DLGAP2: variants seen among roughly 807,000 people sequenced by gnomAD.
The protein encoded by DLGAP2 is disks large-associated protein 2.
A neutral mutation model predicts 100.3 loss-of-function variants in DLGAP2; 26 were observed. That is an observed-to-expected ratio of 0.26 (90% CI 0.19 to 0.36). The LOEUF is 0.36. Among genes scored for constraint, DLGAP2 ranks in the 10% least tolerant of loss-of-function variants. The pLI is 1.00. For missense variants in DLGAP2, 1,858 were observed against 1,453.2 expected (o/e 1.28, Z -4.53); for synonymous variants, 886 against 630.1 (o/e 1.41, Z -6.08).
chr8:1,223,401 A>G (rs1468476505), intron 2 of DLGAP2, among the ~76,000 whole-genome samples: 4 of 152,220 alleles, frequency 2.6e-5, no homozygotes, highest in Non-Finnish European at 5.9e-5. Flanking sequence ...CATTTTTTAA[A>G]GAGTGACTAC....
At position 915,822 on chromosome 8, in the gene DLGAP2, C is replaced by T. The variant is rs527872501; in HGVS notation, c.73+7856C>T. ...CCATGAGTCCTCCTCATTGTAGACTCTCCCCACTCTCTTTTTTGTGTCCGT... is the reference window on the plus strand; with the variant it reads ...CCATGAGTCCTCCTCATTGTAGACTTTCCCCACTCTCTTTTTTGTGTCCGT... On this transcript the variant is annotated intron_variant, in intron 2 of 14. Coordinates refer to ENST00000637795, the MANE Select transcript of DLGAP2 (RefSeq NM_001346810.2). Among the ~76,000 whole-genome samples the T allele has an allele frequency of 4.2e-4, 64 of 150,926 alleles. No homozygotes were observed. The East Asian group carries it at 0.011, about 27-fold the overall frequency.
intron 4 of DLGAP2, among the ~76,000 whole-genome samples, chr8:1,545,169 G>A (rs2130502343): frequency 6.6e-6 from 1 of 152,222 alleles, no homozygotes; most frequent in South Asian, 2.1e-4. Context: ...AAGCATTCCT[G>A]CCTATTCTAG....
intron 3 of DLGAP2, among the ~76,000 whole-genome samples, chr8:1,427,892 C>T (rs940945269): frequency 2.0e-5 from 3 of 152,142 alleles, no homozygotes; most frequent in Non-Finnish European, 4.4e-5. Context: ...CTCCATAATT[C>T]ATAACTTAAC....
chr8:1,283,203 G>C (rs1799855224), intron 3 of DLGAP2, among the ~76,000 whole-genome samples: 1 of 144,524 alleles, frequency 6.9e-6, no homozygotes, highest in Non-Finnish European at 1.5e-5. Flanking sequence ...ATCCAGACGT[G>C]GTGTGACCTG....
intron 1 of DLGAP2, among the ~76,000 whole-genome samples, chr8:835,113 A>AG (rs1220463543): frequency 4.6e-5 from 7 of 152,066 alleles, no homozygotes; most frequent in African/African-American, 1.7e-4. Context: ...GTGTTTGTGG[A>AG]GGGGGGGCTG....
chr8:1,191,809 G>A (rs193143863), intron 2 of DLGAP2, among the ~76,000 whole-genome samples: 12 of 152,152 alleles, frequency 7.9e-5, no homozygotes, highest in East Asian at 3.9e-4. Flanking sequence ...GAAATAAACC[G>A]TATTATATAA....
intron 6 of DLGAP2, among the ~76,000 whole-genome samples, chr8:1,569,652 C>T (rs1802570996): frequency 6.6e-6 from 1 of 152,178 alleles, no homozygotes; most frequent in Non-Finnish European, 1.5e-5. Context: ...AGCTTTGTAA[C>T]TCAGGGAAGC....
intron 5 of DLGAP2, among the ~76,000 whole-genome samples, chr8:1,564,814 A>G (rs1379504645): frequency 2.0e-5 from 3 of 152,112 alleles, no homozygotes; most frequent in Non-Finnish European, 4.4e-5. Flanking sequence ...TCAGCTCTGT[A>G]CCACACAGAT....
Position 1,030,220 on chromosome 8 carries a change from TC to T in DLGAP2, c.73+122256del, listed in dbSNP as rs541399280. On this transcript the variant is annotated intron_variant, in intron 2 of 14. Transcript: ENST00000637795. ...CCGAAAGCAATGAGCGTACCTGAGATCCAGATGTTCAGCCTCGTAATTAAAT... is the reference window on the plus strand; with the variant it reads ...CCGAAAGCAATGAGCGTACCTGAGATCAGATGTTCAGCCTCGTAATTAAAT... 4.0e-3 allele frequency among the ~76,000 whole-genome samples: 614 copies of T among 152,342 alleles called. 4 individuals are homozygous for T. Among genetic ancestry groups the T allele is most frequent in the African/African-American group, 0.014 (586 of 41,576 alleles).
At chr8:1,017,580 G>A (rs1245691313) in intron 2 of DLGAP2, among the ~76,000 whole-genome samples, 3 of 126,470 alleles carry the variant, frequency 2.4e-5, no homozygotes, top group African/African-American at 1.1e-4. Flanking sequence ...CAGGACAGAC[G>A]ACGCCTCCAC....
At chr8:1,299,060 G>T (rs1800265381) in intron 3 of DLGAP2, among the ~76,000 whole-genome samples, 2 of 152,256 alleles carry the variant, frequency 1.3e-5, no homozygotes, top group Admixed American at 1.3e-4. Flanking sequence ...GCTGCCAGCA[G>T]AGAATGTGAG....
intron 1 of DLGAP2, among the ~76,000 whole-genome samples, chr8:786,868 C>G (rs1002569753): frequency 6.6e-6 from 1 of 151,822 alleles, no homozygotes; most frequent in African/African-American, 2.4e-5. Context: ...GAGGGGTTAC[C>G]TGGTGATTTG....
intron 2 of DLGAP2, among the ~76,000 whole-genome samples, chr8:1,210,187 C>G (rs763491139): frequency 3.3e-5 from 5 of 152,084 alleles, no homozygotes; most frequent in African/African-American, 7.2e-5. Context: ...GGAGTGGGCT[C>G]TGCTGGGCAT....
chr8:1,639,231 G>C (rs117863982), intron 8 of DLGAP2, among the ~76,000 whole-genome samples: 5,426 of 152,256 alleles, frequency 0.036, 140 homozygotes, highest in South Asian at 0.06. Context: ...CCTGAGACCA[G>C]AGCCCACAGC....
intron 4 of DLGAP2, among the ~76,000 whole-genome samples, chr8:1,515,195 C>A (rs1041543411): frequency 3.3e-5 from 5 of 152,160 alleles, no homozygotes; most frequent in African/African-American, 1.2e-4. Context: ...TGCATTGATT[C>A]TTTTGCAGCC....
intron 3 of DLGAP2, among the ~76,000 whole-genome samples, chr8:1,392,472 CG>C (rs1465597153): frequency 1.3e-5 from 2 of 152,362 alleles, no homozygotes; most frequent in East Asian, 3.9e-4. Flanking sequence ...TTGGACGCCG[CG>C]TGGTCCTTCT....
At chr8:1,582,649 G>A (rs1795979896) in intron 6 of DLGAP2, among the ~76,000 whole-genome samples, 1 of 152,172 alleles carries the variant, frequency 6.6e-6, no homozygotes, top group Non-Finnish European at 1.5e-5. Context: ...GAGTGTGGTG[G>A]CACAGTCTCA....
chr8:882,283 G>A (rs1447039258), intron 1 of DLGAP2, among the ~76,000 whole-genome samples: 1 of 151,676 alleles, frequency 6.6e-6, no homozygotes, highest in African/African-American at 2.4e-5. Context: ...CTGGCCCAGC[G>A]GCACCTCTCC....
intron 6 of DLGAP2, 126 bp from the exon 7 acceptor site, chr8:1,626,614 C>G (rs1438696641): frequency 1.6e-6 from 2 of 1,237,262 alleles, no homozygotes; most frequent in African/African-American, 1.5e-5. Flanking sequence ...GTGGGTTGGA[C>G]GGTCGTTCCC....
Sources: allele counts gnomAD v4.1 joint callset (sites outside exome capture counted in the v4.1 genomes callset), GRCh38; gene constraint gnomAD v4.1.1; transcripts MANE v1.5; gene names NCBI Gene and HGNC (gene_info 2026-07-23, HGNC 2026-07-21).